The following SEPTIN9 variants were observed in gnomAD, a reference collection of about 807,000 sequenced individuals.
The protein encoded by SEPTIN9 is septin 9, also known as septin-9.
SEPTIN9 carries 13 observed loss-of-function variants against 56.6 expected under a neutral mutation model. That is an observed-to-expected ratio of 0.23 (90% CI 0.15 to 0.37). SEPTIN9 has a LOEUF of 0.37. Ranked by LOEUF, SEPTIN9 falls within the 10% of genes least tolerant of loss-of-function variation. SEPTIN9 has a pLI of 1.00. For missense variants in SEPTIN9, 650 were observed against 823.1 expected (o/e 0.79, Z 2.57); for synonymous variants, 332 against 334.1 (o/e 0.99, Z 0.07).
At chr17:77,441,239 C>A (rs978632421) in intron 3 of SEPTIN9, among the ~76,000 whole-genome samples, 1 of 152,138 alleles carries the variant, frequency 6.6e-6, no homozygotes, top group African/African-American at 2.4e-5. Context: ...GGTTTCAGAA[C>A]CCCCACCCCG....
intron 3 of SEPTIN9, among the ~76,000 whole-genome samples, chr17:77,431,945 T>C (rs2037155123): frequency 6.6e-6 from 1 of 151,118 alleles, no homozygotes; most frequent in Non-Finnish European, 1.5e-5. Flanking sequence ...CAAATAGCCA[T>C]GGGAGGGTGG....
chr17:77,376,502 G>A, intron 2 of SEPTIN9: 1 of 669,236 alleles, frequency 1.5e-6, no homozygotes. Flanking sequence ...TCACCATGTG[G>A]GTTGCTGAGG....
chr17:77,429,451 TG>T lies in SEPTIN9; in HGVS notation c.721+26749del, dbSNP rs2037046320. 2.6e-6 allele frequency: 1 copy of T among 377,868 alleles called. No homozygotes were observed. Among genetic ancestry groups the T allele is most frequent in the African/African-American group, 2.1e-5 (1 of 46,934 alleles). The allele number at this position is 377,868 out of a possible 1,614,324, so 23.4% of individuals were successfully genotyped here. On this transcript the variant is annotated intron_variant, in intron 3 of 11. Transcript: ENST00000427177. This position sits in a 1 kb window ranked among gnomAD's most constrained non-coding sequence, Gnocchi z 5.2. ...TTGGGGAGGGACTGAGGGCTGATTGTGTTGTGGGGATGTTGGCAGAGAATCA... is the reference window on the plus strand; with the variant it reads ...TTGGGGAGGGACTGAGGGCTGATTGTTTGTGGGGATGTTGGCAGAGAATCA...
rs2040426676 is a variant in SEPTIN9 at position 77,499,689 on chromosome 17, G to A, written c.*1031G>A. 5.0e-6 allele frequency: 2 copies of A among 401,992 alleles called. No individual in the cohort carries two copies. The highest frequency in any genetic ancestry group is 2.0e-5 in the African/African-American group (1 of 49,898). The allele number at this position is 401,992 out of a possible 1,614,324, so 24.9% of individuals were successfully genotyped here. On this transcript the variant is annotated 3_prime_UTR_variant, in exon 12 of 12. Coordinates refer to ENST00000427177, the MANE Select transcript of SEPTIN9 (RefSeq NM_001113491.2). ...ATGCGTGTCCGTCTGTCTGTCTAGT[G>A]TCTGGGTTTGGCCCAAGACTGGGCT...
chr17:77,342,267 T>C (rs1169483511), intron 2 of SEPTIN9, among the ~76,000 whole-genome samples: 1 of 152,098 alleles, frequency 6.6e-6, no homozygotes, highest in Non-Finnish European at 1.5e-5. Context: ...AACCTTCAAT[T>C]TGTAAAAAGT....
chr17:77,287,303 T>A (rs1245974955), intron 1 of SEPTIN9, among the ~76,000 whole-genome samples: 1 of 152,204 alleles, frequency 6.6e-6, no homozygotes, highest in African/African-American at 2.4e-5. Flanking sequence ...GCCGATGGGC[T>A]GGTCACCCCT....
chr17:77,299,852 C>T (rs935211111), intron 1 of SEPTIN9, among the ~76,000 whole-genome samples: 1 of 152,070 alleles, frequency 6.6e-6, no homozygotes, highest in African/African-American at 2.4e-5. Context: ...GGCAGCTTGC[C>T]GTCAAGAGAG....
intron 2 of SEPTIN9, among the ~76,000 whole-genome samples, chr17:77,372,022 C>A (rs976321653): frequency 2.6e-5 from 4 of 152,130 alleles, no homozygotes; most frequent in Non-Finnish European, 5.9e-5. Flanking sequence ...TGGGGAGGGG[C>A]AAGTGGGCAG....
chr17:77,328,136 C>T (rs1015657301), intron 2 of SEPTIN9, among the ~76,000 whole-genome samples: 1 of 130,634 alleles, frequency 7.7e-6, no homozygotes, highest in Non-Finnish European at 1.6e-5. Context: ...GTTCCCAGGG[C>T]GTCCTGTGCC....
At chr17:77,391,025 G>C (rs991395982) in intron 2 of SEPTIN9, among the ~76,000 whole-genome samples, 1 of 152,214 alleles carries the variant, frequency 6.6e-6, no homozygotes, top group African/African-American at 2.4e-5. Context: ...GCAGGAGAAG[G>C]GCCGGCGGAG....
chr17:77,482,291 G>A lies in SEPTIN9; in HGVS notation c.869G>A (p.Arg290Gln), dbSNP rs557154026. 2.9e-5 allele frequency: 47 copies of A among 1,613,212 alleles called. No individual in the cohort carries two copies. The highest frequency in any genetic ancestry group is 1.0e-4 in the Admixed American group (6 of 60,022). The change falls in exon 4 of 12, where the codon CGG becomes CAG. Residue 290 changes from arginine (R) to glutamine (Q), a missense_variant. Physicochemically the swap from Arg to Gln is conservative, Grantham distance 43 (BLOSUM62 1). Coordinates refer to ENST00000427177, the MANE Select transcript of SEPTIN9 (RefSeq NM_001113491.2). Reference sequence around the variant, plus strand: ...GACTCCATCCTGGAGCAGATGCGCCGGAAGGCCATGAAGCAGGGCTTCGAG... The same window carrying A: ...GACTCCATCCTGGAGCAGATGCGCCAGAAGGCCATGAAGCAGGGCTTCGAG... ...GIDSILEQMR[R>Q]KAMKQGFEFN...
intron 3 of SEPTIN9, among the ~76,000 whole-genome samples, chr17:77,447,996 G>A (rs1026054750): frequency 6.6e-6 from 1 of 152,152 alleles, no homozygotes; most frequent in African/African-American, 2.4e-5. Flanking sequence ...CACTGATGGT[G>A]GGATCTGTGG....
At chr17:77,411,985 C>A (rs2036320104) in intron 3 of SEPTIN9, among the ~76,000 whole-genome samples, 1 of 151,944 alleles carries the variant, frequency 6.6e-6, no homozygotes, top group South Asian at 2.1e-4. Flanking sequence ...CAAAAATTAG[C>A]TGGGCATGGT....
At chr17:77,452,671 CCCGTTGG>C (rs1182169985) in intron 3 of SEPTIN9, among the ~76,000 whole-genome samples, 1 of 151,970 alleles carries the variant, frequency 6.6e-6, no homozygotes, top group Non-Finnish European at 1.5e-5. Flanking sequence ...CATGAGAAAA[CCCGTTGG>C]AAGAGGAGGA....
rs1398943676 is a variant in SEPTIN9 at position 77,434,553 on chromosome 17, G to T, written c.721+31850G>T. Among the ~76,000 whole-genome samples the T allele has an allele frequency of 6.6e-6, 1 of 152,198 alleles. No individual in the cohort carries two copies. The highest frequency in any genetic ancestry group is 2.4e-5 in the African/African-American group (1 of 41,440). ...CAGGGTGGCAGAGTCCCATTGGCCT[G>T]CAGGGGACCCTCTGTGGGCTGCAGG... is the stretch of plus-strand genomic sequence containing the variant. On this transcript the variant is annotated intron_variant, in intron 3 of 11. Coordinates refer to ENST00000427177, the MANE Select transcript of SEPTIN9 (RefSeq NM_001113491.2). The surrounding 1 kb of genome is among the most constrained non-coding windows in gnomAD (Gnocchi z 5.0).
In SEPTIN9 at chr17:77,499,100, G is replaced by A. The variant is rs780128513; in HGVS notation, c.*442G>A. ...CCATCGGCCCTGTCCCCTGGAGTGT[G>A]TCAGAGCCCAGGGGAGAATGCAGCC... On this transcript the variant is annotated 3_prime_UTR_variant, in exon 12 of 12. Coordinates refer to ENST00000427177, the MANE Select transcript of SEPTIN9 (RefSeq NM_001113491.2). The A allele has an allele frequency of 3.0e-4, 163 of 536,430 alleles. No individual in the cohort carries two copies. Among genetic ancestry groups the A allele is most frequent in the South Asian group, 1.2e-3 (80 of 65,232 alleles). 33.2% of individuals were successfully genotyped at this position (536,430 alleles called of 1,614,324 possible). A position where few individuals can be genotyped will look rare whatever the true frequency, so the allele number is the denominator to read the frequency against.
chr17:77,370,157 C>T (rs1055798287), intron 2 of SEPTIN9, among the ~76,000 whole-genome samples: 11 of 152,224 alleles, frequency 7.2e-5, no homozygotes, highest in Non-Finnish European at 1.0e-4. Flanking sequence ...TAACAACTGT[C>T]GAAACTGGGT....
At chr17:77,401,954 ACCG>A in intron 2 of SEPTIN9, 102 bp from the exon 3 acceptor site, 4 of 1,197,112 alleles carry the variant, frequency 3.3e-6, no homozygotes, top group Non-Finnish European at 4.7e-6. Flanking sequence ...CCCGGCCCTC[ACCG>A]CCGCATCGCC....
rs1307610354 is a variant in SEPTIN9 at position 77,425,500 on chromosome 17, C to A, written c.721+22797C>A. Reference sequence around the variant, plus strand: ...CCCTCTCTGGTCATGGGGACGCTGCCTGGGGGGGGTTCCCTTACATGGAAG... The same window carrying A: ...CCCTCTCTGGTCATGGGGACGCTGCATGGGGGGGGTTCCCTTACATGGAAG... On this transcript the variant is annotated intron_variant, in intron 3 of 11. Transcript: ENST00000427177. This position sits in a 1 kb window ranked among gnomAD's most constrained non-coding sequence, Gnocchi z 4.2. Among the ~76,000 whole-genome samples the A allele has an allele frequency of 6.6e-6, 1 of 151,996 alleles. No homozygotes were observed. The highest frequency in any genetic ancestry group is 1.5e-5 in the Non-Finnish European group (1 of 68,014).
Sources: gnomAD v4.1 joint callset for allele counts (sites outside exome capture counted in the v4.1 genomes callset) on GRCh38, gnomAD v4.1.1 for gene constraint, Gnocchi (gnomAD v3.1) non-coding constraint, MANE v1.5 for transcripts, NCBI Gene and HGNC (gene_info 2026-07-23, HGNC 2026-07-21) for gene names.